Variants in DDB2 observed in about 807,000 individuals in gnomAD.
DDB2 encodes the protein damage specific DNA binding protein 2, also known as DNA damage-binding protein 2.
DDB2 carries 27 observed loss-of-function variants against 50.5 expected under a neutral mutation model. That is an observed-to-expected ratio of 0.53 (90% CI 0.39 to 0.74). The LOEUF is 0.74. Among genes scored for constraint, DDB2 ranks in the 30% least tolerant of loss-of-function variants. The pLI is 0.00. For missense variants in DDB2, 424 were observed against 545.6 expected (o/e 0.78, Z 2.22); for synonymous variants, 176 against 205.5 (o/e 0.86, Z 1.23).
At position 47,235,365 on chromosome 11, in the gene DDB2, C is replaced by T; in HGVS notation, c.976C>T (p.Leu326=). 2 of 1,613,980 alleles carry T rather than the reference C, an allele frequency of 1.2e-6. No homozygotes were observed. The highest frequency in any genetic ancestry group is 1.7e-6 in the Non-Finnish European group (2 of 1,180,026). Reference sequence around the variant, plus strand: ...TTCCCAGTGGGACTGCCCCCTGGGCCTGATCCCGCACCCTCACCGTCACTT... The same window carrying T: ...TTCCCAGTGGGACTGCCCCCTGGGCTTGATCCCGCACCCTCACCGTCACTT... ...SASQWDCPLG[L]IPHPHRHFQH... The change falls in exon 7 of 10, where the codon CTG becomes TTG. Residue 326 remains leucine (L), a synonymous_variant. Transcript: ENST00000256996.
chr11:47,216,993 G>A lies in DDB2; in HGVS notation c.400G>A (p.Gly134Arg), dbSNP rs200856208. 1 of 1,614,138 alleles carries A rather than the reference G, an allele frequency of 6.2e-7. No individual in the cohort carries two copies. The highest frequency in any genetic ancestry group is 2.2e-5 in the East Asian group (1 of 44,882). The change falls in exon 3 of 10, where the codon GGA becomes AGA. Residue 134 changes from glycine to arginine, a missense_variant. Transcript: ENST00000256996. ...PSTVAVGSKG[G>R]DIMLWNFGIK... ...CACCGTGGCTGTGGGTTCCAAAGGGGGAGATATCATGCTCTGGAATTTTGG... is the reference window on the plus strand; with the variant it reads ...CACCGTGGCTGTGGGTTCCAAAGGGAGAGATATCATGCTCTGGAATTTTGG...
chr11:47,217,764 G>A (rs1411311489), intron 3 of DDB2, among the ~76,000 whole-genome samples: 6 of 151,992 alleles, frequency 3.9e-5, no homozygotes, highest in Non-Finnish European at 8.8e-5. Flanking sequence ...GGTGGTGTGC[G>A]CCTGTAGTCC....
chr11:47,217,912 C>T (rs1285777316), intron 3 of DDB2, among the ~76,000 whole-genome samples: 3 of 151,980 alleles, frequency 2.0e-5, no homozygotes, highest in Non-Finnish European at 2.9e-5. Context: ...ATTGAAGCCC[C>T]TTCTTACCAC....
chr11:47,230,532 T>A (rs544197619), intron 3 of DDB2, among the ~76,000 whole-genome samples: 1 of 152,314 alleles, frequency 6.6e-6, no homozygotes, highest in South Asian at 2.1e-4. Flanking sequence ...TGAGAACAAC[T>A]ACAACCAACC....
intron 3 of DDB2, among the ~76,000 whole-genome samples, chr11:47,221,250 A>G (rs1250831026): frequency 6.6e-6 from 1 of 152,004 alleles, no homozygotes; most frequent in Non-Finnish European, 1.5e-5. Context: ...CCCCATTTTC[A>G]GCATCCCTCT....
Position 47,235,248 on chromosome 11 carries a change from CAG to C in DDB2, c.881-21_881-20del. 1 of 1,614,244 alleles carries C rather than the reference CAG, an allele frequency of 6.2e-7. No individual in the cohort carries two copies. The highest frequency in any genetic ancestry group is 8.5e-7 in the Non-Finnish European group (1 of 1,180,046). ...CAGAGGGCTTGTGGTTCCTTCAGCT[CAG>C]GGGCTTTTCACTTTGCCAGCTTGTT... is the stretch of plus-strand genomic sequence containing the variant. On this transcript the variant is annotated intron_variant, in intron 6 of 9. Coordinates refer to ENST00000256996, the MANE Select transcript of DDB2 (RefSeq NM_000107.3).
rs1467684051 is a variant in DDB2 at position 47,239,024 on chromosome 11, C to T, written c.*175C>T. On this transcript the variant is annotated 3_prime_UTR_variant, in exon 10 of 10. Coordinates refer to ENST00000256996, the MANE Select transcript of DDB2 (RefSeq NM_000107.3). ...ACTGGGACACTTTTATGTTAATGCT[C>T]TGGACTTGCCTCCAGAGACTGCTCC... The T allele has an allele frequency of 1.6e-6, 1 of 631,296 alleles. No individual in the cohort carries two copies. Among genetic ancestry groups the T allele is most frequent in the Non-Finnish European group, 2.8e-6 (1 of 358,898 alleles). The allele number at this position is 631,296 out of a possible 1,614,324, so 39.1% of individuals were successfully genotyped here.
At chr11:47,231,119 C>CAAAAAAAAAAAAAAAAAAAAAAA (rs139290057) in intron 3 of DDB2, among the ~76,000 whole-genome samples, 1 of 58,374 alleles carries the variant, frequency 1.7e-5, no homozygotes. Flanking sequence ...GCCTTCATCT[C>CAAAAAAAAAAAAAAAAAAAAAAA]AAAAAAAAAA....
rs1565156807 is a variant in DDB2 at position 47,235,346 on chromosome 11, G to A, written c.957G>A (p.Gln319=). Residue 319 remains glutamine, a synonymous_variant, in exon 7 of 10, where the codon CAG becomes CAA. Coordinates refer to ENST00000256996, the MANE Select transcript of DDB2 (RefSeq NM_000107.3). Reference sequence around the variant, plus strand: ...AGATCCGAGTTTACTCTGCTTCCCAGTGGGACTGCCCCCTGGGCCTGATCC... The same window carrying A: ...AGATCCGAGTTTACTCTGCTTCCCAATGGGACTGCCCCCTGGGCCTGATCC... ...KSEIRVYSAS[Q]WDCPLGLIPH... The A allele has an allele frequency of 6.2e-7, 1 of 1,614,002 alleles. No individual in the cohort carries two copies. The highest frequency in any genetic ancestry group is 1.7e-5 in the Admixed American group (1 of 60,008).
rs830086 is a variant in DDB2 at position 47,228,337 on chromosome 11, G to A, written c.457-4477G>A. On this transcript the variant is annotated intron_variant, in intron 3 of 9. Transcript: ENST00000256996. The stretch of plus-strand genomic sequence containing the variant: ...CCCTCTTTTTCTAGTCTGTGGAGAC[G>A]GAGGGTTTAAGATCAATATCTGGCT... Among the ~76,000 whole-genome samples the A allele has an allele frequency of 1.2e-3, 170 of 144,754 alleles. 1 individual carries two copies. The highest frequency in any genetic ancestry group is 4.3e-3 in the African/African-American group (162 of 37,710). The allele number at this position is 144,754 out of a possible 152,430, so 95.0% of individuals were successfully genotyped here.
chr11:47,215,398 T>C, intron 1 of DDB2, 135 bp downstream of exon 1: 1 of 1,319,020 alleles, frequency 7.6e-7, no homozygotes, highest in East Asian at 2.3e-5. Flanking sequence ...GCATTCTACC[T>C]GCAGGTCCTT....
intron 3 of DDB2, among the ~76,000 whole-genome samples, chr11:47,218,122 C>T (rs547266419): frequency 2.6e-5 from 4 of 152,294 alleles, no homozygotes; most frequent in East Asian, 1.9e-4. Context: ...CGCTGGTTGT[C>T]CTTACTCATA....
intron 3 of DDB2, 58 bp from the exon 4 acceptor site, chr11:47,232,756 C>G (rs1953666929): frequency 6.2e-7 from 1 of 1,604,248 alleles, no homozygotes; most frequent in Non-Finnish European, 8.5e-7. Flanking sequence ...GTGCCCAGGC[C>G]TGGTTCCTCA....
chr11:47,217,205 G>A (rs1370987902), intron 3 of DDB2, 156 bp downstream of exon 3: 30 of 621,532 alleles, frequency 4.8e-5, no homozygotes, highest in Admixed American at 4.0e-4. Context: ...GTGAAACCCC[G>A]TCTCTACTAA....
At chr11:47,219,195 G>A (rs1039167131) in intron 3 of DDB2, among the ~76,000 whole-genome samples, 5 of 152,078 alleles carry the variant, frequency 3.3e-5, no homozygotes, top group Middle Eastern at 3.2e-3. Context: ...TGCCTGCCTC[G>A]GCCTCCCAAA....
chr11:47,214,985 G>T lies in DDB2; in HGVS notation c.-152G>T, dbSNP rs1204635232. On this transcript the variant is annotated 5_prime_UTR_variant, in exon 1 of 10. Transcript: ENST00000256996. ...CGGAGCTCCAAGCTGGTTTGAACAA[G>T]CCCTGGGCATGTTTGGCGGGAAGTT... 2 of 1,164,002 alleles carry T rather than the reference G, an allele frequency of 1.7e-6. No individual in the cohort carries two copies. The highest frequency in any genetic ancestry group is 2.4e-5 in the East Asian group (1 of 42,076). The allele number at this position is 1,164,002 out of a possible 1,614,324, so 72.1% of individuals were successfully genotyped here. A position where few individuals can be genotyped will look rare whatever the true frequency, so the allele number is the denominator to read the frequency against.
In DDB2 at chr11:47,239,069, T is replaced by G; in HGVS notation, c.*220T>G. On this transcript the variant is annotated 3_prime_UTR_variant, in exon 10 of 10. Coordinates refer to ENST00000256996, the MANE Select transcript of DDB2 (RefSeq NM_000107.3). ...TGCTCCAGAGTTGGTGACACAGCTG[T>G]CCCAAGGGCCCCTCTGTATCTAGCC... is the stretch of plus-strand genomic sequence containing the variant. 1 of 553,832 alleles carries G rather than the reference T, an allele frequency of 1.8e-6. No homozygotes were observed. The allele number at this position is 553,832 out of a possible 1,614,324, so 34.3% of individuals were successfully genotyped here.
rs573177223 is a variant in DDB2, at chr11:47,230,198, G to A, written c.457-2616G>A. The stretch of plus-strand genomic sequence containing the variant: ...GCCTATAGCACCAGCTACTTGGGAG[G>A]CTGAGGCGGGAGGATTGCTTGAGCC... On this transcript the variant is annotated intron_variant, in intron 3 of 9. Coordinates refer to ENST00000256996, the MANE Select transcript of DDB2 (RefSeq NM_000107.3). 1.9e-3 allele frequency among the ~76,000 whole-genome samples: 290 copies of A among 151,888 alleles called. 10 individuals are homozygous for A. The South Asian group carries it at 0.059, about 31-fold the overall frequency.
At chr11:47,224,683 A>G (rs531379329) in intron 3 of DDB2, among the ~76,000 whole-genome samples, 2 of 152,210 alleles carry the variant, frequency 1.3e-5, no homozygotes, top group East Asian at 3.9e-4. Flanking sequence ...CATTTTGTGC[A>G]GTTGTTCACT....
Sources: allele counts gnomAD v4.1 joint callset (sites outside exome capture counted in the v4.1 genomes callset), GRCh38; gene constraint gnomAD v4.1.1; transcripts MANE v1.5; gene names NCBI Gene and HGNC (gene_info 2026-07-23, HGNC 2026-07-21).